Variants in EXD3 observed in about 807,000 individuals in gnomAD.
EXD3 encodes the protein exonuclease mut-7 homolog.
A neutral mutation model predicts 98.0 loss-of-function variants in EXD3; 92 were observed. That is an observed-to-expected ratio of 0.94 (90% CI 0.79 to 1.12). The LOEUF is 1.12. Among genes scored for constraint, EXD3 ranks in the 50% most tolerant of loss-of-function variants. The pLI, the probability that EXD3 is intolerant of heterozygous loss-of-function variation, is 0.00. For missense variants in EXD3, 1,222 were observed against 1,191.6 expected, an observed-to-expected ratio of 1.03 and a Z score of -0.38; for synonymous variants, 569 against 526.0, an observed-to-expected ratio of 1.08 and a Z score of -1.12.
At chr9:137,354,217 G>A in intron 10 of EXD3, 122 bp downstream of exon 10, 1 of 1,493,216 alleles carries the variant, frequency 6.7e-7, no homozygotes, top group Non-Finnish European at 9.0e-7. Context: ...ATGGGGTCTG[G>A]GCTCAGCAGC....
rs28456024 is a variant in EXD3 at position 137,387,153 on chromosome 9, T to C, written c.56-3776A>G. On this transcript the variant is annotated intron_variant, in intron 2 of 21. Transcript: ENST00000340951. The stretch of plus-strand genomic sequence containing the variant: ...AGCGCCTCTGTTCCCTGCCTGGCCC[T>C]CGGCCCCCGCTCCCTGCCTGGCCCC... 7.3e-3 allele frequency among the ~76,000 whole-genome samples: 505 copies of C among 69,480 alleles called. 35 individuals are homozygous for C. The African/African-American group carries it at 0.073, about 10-fold the overall frequency. The allele number at this position is 69,480 out of a possible 152,430, so 45.6% of individuals were successfully genotyped here.
Position 137,351,508 on chromosome 9 carries a change from T to C in EXD3, c.1194A>G (p.Val398=), listed in dbSNP as rs769667460. ...ALLQCHQVVG[V]DVEWTPVFVA... is the part of the protein sequence containing the mutation. ...CAAACACAGGTGTCCACTCCACGTC[T>C]ACACCAACCACTTGGTGGCACTGCG... is the stretch of plus-strand genomic sequence containing the variant. Residue 398 remains valine, a synonymous_variant, in exon 13 of 22, where the codon GTA becomes GTG. Transcript: ENST00000340951. 28 of 1,593,240 alleles carry C rather than the reference T, an allele frequency of 1.8e-5. No individual in the cohort carries two copies. The East Asian group carries it at 6.4e-4, about 36-fold the overall frequency.
At chr9:137,379,874 C>G (rs969709175) in intron 3 of EXD3, among the ~76,000 whole-genome samples, 28 of 152,074 alleles carry the variant, frequency 1.8e-4, no homozygotes, top group African/African-American at 6.5e-4. Flanking sequence ...CCTCCAGACC[C>G]CAGCTGGGTC....
intron 11 of EXD3, among the ~76,000 whole-genome samples, 161 bp downstream of exon 11, chr9:137,352,459 C>T (rs1490231042): frequency 6.6e-6 from 1 of 152,208 alleles, no homozygotes; most frequent in Non-Finnish European, 1.5e-5. Context: ...AGGGCTGGGC[C>T]CTGCTGTCTT....
intron 8 of EXD3, among the ~76,000 whole-genome samples, chr9:137,355,525 G>GAAGGAGGAAGGAGA (rs1834640068): frequency 1.6e-5 from 1 of 63,580 alleles, no homozygotes; most frequent in Non-Finnish European, 2.9e-5. Flanking sequence ...GAGGAAGGAG[G>GAAGGAGGAAGGAGA]ATGGAGGAAG....
At chr9:137,374,130 T>A (rs1162650080) in intron 3 of EXD3, among the ~76,000 whole-genome samples, 3 of 152,290 alleles carry the variant, frequency 2.0e-5, no homozygotes, top group Admixed American at 6.5e-5. Context: ...TGGCCCTCGC[T>A]GCTGTGCAGC....
chr9:137,414,324 C>A (rs969692869), intron 1 of EXD3, among the ~76,000 whole-genome samples: 1 of 152,200 alleles, frequency 6.6e-6, no homozygotes. Flanking sequence ...TGAGTCCTGC[C>A]CCACTGTGTG....
At chr9:137,411,319 C>T (rs1356980112) in intron 1 of EXD3, among the ~76,000 whole-genome samples, 2 of 152,262 alleles carry the variant, frequency 1.3e-5, no homozygotes, top group Middle Eastern at 3.4e-3. Context: ...CAGCTGCCCC[C>T]GAGCCCTGGG....
In EXD3 at chr9:137,407,601, G is replaced by C. The variant is rs1837790685; in HGVS notation, c.-47-12197C>G. Among the ~76,000 whole-genome samples the C allele has an allele frequency of 6.6e-6, 1 of 152,212 alleles. No individual in the cohort carries two copies. The highest frequency in any genetic ancestry group is 1.5e-5 in the Non-Finnish European group (1 of 68,036). The stretch of plus-strand genomic sequence containing the variant: ...CCCGCAGGCCCTTCAGAGGGTCCCT[G>C]ACAGGGAAGGATGGAGACGCAGCTC... On this transcript the variant is annotated intron_variant, in intron 1 of 21. Coordinates refer to ENST00000340951, the MANE Select transcript of EXD3 (RefSeq NM_017820.5). This position sits in a 1 kb window ranked among gnomAD's most constrained non-coding sequence, Gnocchi z 4.4.
At position 137,366,514 on chromosome 9, in the gene EXD3, A is replaced by T; in HGVS notation, c.635T>A (p.Phe212Tyr). The change falls in exon 7 of 22, where the codon TTT becomes TAT. Residue 212 changes from phenylalanine (F) to tyrosine (Y), a missense_variant. Transcript: ENST00000340951. ...VLMDSWCQPGFDIKDVARRYP... is the reference protein window; with the variant it reads ...VLMDSWCQPGYDIKDVARRYP... ...TCACCTGGCAACGTCCTTGATGTCA[A>T]AGCCGGGCTGGCACCAGGAATCCAT... The T allele has an allele frequency of 6.4e-7, 1 of 1,550,982 alleles. No individual in the cohort carries two copies. Among genetic ancestry groups the T allele is most frequent in the African/African-American group, 1.4e-5 (1 of 73,130 alleles).
Position 137,349,911 on chromosome 9 carries a change from G to A in EXD3, c.1495-380C>T, listed in dbSNP as rs1479010383. 6.6e-6 allele frequency among the ~76,000 whole-genome samples: 1 copy of A among 152,002 alleles called. No homozygotes were observed. Among genetic ancestry groups the A allele is most frequent in the Non-Finnish European group, 1.5e-5 (1 of 67,988 alleles). ...AAAACAGCAGAAACGCAGACAAAAT[G>A]CAGCGAAACCACCCCCGGGGGGCTC... is the stretch of plus-strand genomic sequence containing the variant. On this transcript the variant is annotated intron_variant, in intron 14 of 21. Coordinates refer to ENST00000340951, the MANE Select transcript of EXD3 (RefSeq NM_017820.5). This position sits in a 1 kb window ranked among gnomAD's most constrained non-coding sequence, Gnocchi z 7.4.
intron 1 of EXD3, among the ~76,000 whole-genome samples, chr9:137,399,041 TAC>T (rs1189874571): frequency 1.3e-5 from 2 of 151,772 alleles, no homozygotes; most frequent in East Asian, 1.9e-4. Context: ...CCCCGTGACA[TAC>T]ACAGACTGTC....
Position 137,420,745 on chromosome 9 carries a change from C to G in EXD3, c.-48+2369G>C, listed in dbSNP as rs185720381. 1.1e-3 allele frequency among the ~76,000 whole-genome samples: 158 copies of G among 148,116 alleles called. 4 individuals carry two copies. The highest frequency in any genetic ancestry group is 3.6e-3 in the African/African-American group (146 of 40,796). On this transcript the variant is annotated intron_variant, in intron 1 of 21. Coordinates refer to ENST00000340951, the MANE Select transcript of EXD3 (RefSeq NM_017820.5). ...CTGGAGGACAGACATTCACCCCCCC[C>G]CCCAAATTCATACAGGTATTATACA...
chr9:137,391,856 C>T lies in EXD3; in HGVS notation c.55+3447G>A, dbSNP rs941449112. On this transcript the variant is annotated intron_variant, in intron 2 of 21. Coordinates refer to ENST00000340951, the MANE Select transcript of EXD3 (RefSeq NM_017820.5). ...TTTGAGATGGAGTCTCGCTCTGTTC[C>T]CCAGGCTGGAGTGCAATGACACAAC... 3.3e-5 allele frequency: 5 copies of T among 152,206 alleles called. 1 individual carries two copies. In the South Asian group the frequency reaches 6.2e-4, roughly 19 times the overall value. 9.4% of individuals were successfully genotyped at this position (152,206 alleles called of 1,614,324 possible).
intron 3 of EXD3, among the ~76,000 whole-genome samples, chr9:137,378,954 C>T (rs1264966958): frequency 1.2e-4 from 15 of 126,354 alleles, no homozygotes; most frequent in African/African-American, 3.9e-4. Context: ...TTGTGGGTGA[C>T]GGTGACCATT....
chr9:137,388,382 G>A (rs1012623699), intron 2 of EXD3, among the ~76,000 whole-genome samples: 2 of 152,168 alleles, frequency 1.3e-5, no homozygotes, highest in Non-Finnish European at 2.9e-5. Context: ...AGGGACGCAG[G>A]ATGGGCAGAA....
chr9:137,408,954 T>A (rs1837866747), intron 1 of EXD3, among the ~76,000 whole-genome samples: 1 of 152,212 alleles, frequency 6.6e-6, no homozygotes, highest in South Asian at 2.1e-4. Context: ...GGCACTCACT[T>A]TGCTGATCAG....
At chr9:137,398,302 C>A (rs940641357) in intron 1 of EXD3, among the ~76,000 whole-genome samples, 2 of 152,238 alleles carry the variant, frequency 1.3e-5, no homozygotes, top group Admixed American at 1.3e-4. Flanking sequence ...TGGAGACACC[C>A]ATTCCCCAGC....
At chr9:137,397,705 G>A (rs553274065) in intron 1 of EXD3, among the ~76,000 whole-genome samples, 2 of 152,204 alleles carry the variant, frequency 1.3e-5, no homozygotes, top group Admixed American at 1.3e-4. Flanking sequence ...CGAGTGCAGT[G>A]TGGGAGGCTG....
Sources: allele counts gnomAD v4.1 joint callset (sites outside exome capture counted in the v4.1 genomes callset), GRCh38; gene constraint gnomAD v4.1.1; non-coding constraint Gnocchi (gnomAD v3.1); transcripts MANE v1.5; gene names NCBI Gene and HGNC (gene_info 2026-07-23, HGNC 2026-07-21).